Variants in ZNRF3 observed in about 807,000 individuals in gnomAD.
ZNRF3 encodes zinc and ring finger 3, also known as E3 ubiquitin-protein ligase ZNRF3.
In ZNRF3, 23 loss-of-function variants were observed where a neutral mutation model predicts 72.5. The ratio of observed to expected loss-of-function variants is 0.32; its 90% CI spans 0.23 to 0.45. The LOEUF (loss-of-function observed/expected upper bound fraction) is 0.45. ZNRF3 is among the 20% of genes least tolerant of loss of function. ZNRF3 has a pLI of 1.00. For synonymous variants in ZNRF3, 610 were observed against 545.3 expected, an observed-to-expected ratio of 1.12 and a Z score of -1.65; for missense variants, 1,169 against 1,272.1, an observed-to-expected ratio of 0.92 and a Z score of 1.23.
intron 1 of ZNRF3, among the ~76,000 whole-genome samples, chr22:28,931,772 A>G (rs1289939760): frequency 6.6e-6 from 1 of 152,206 alleles, no homozygotes; most frequent in Non-Finnish European, 1.5e-5. Flanking sequence ...TGTACTAGGC[A>G]AACCAGATCC....
At position 29,001,666 on chromosome 22, in the gene ZNRF3, T is replaced by TTTC. The variant is rs2036151560; in HGVS notation, c.426+14466_426+14468dup. ...TTTTTATTTTTCAGTAGAGGCGGGG[T>TTTC]TTCGCCTTGTTGGCCAGGCTGGTCT... On this transcript the variant is annotated intron_variant, in intron 2 of 8. Transcript: ENST00000544604. Among the ~76,000 whole-genome samples the TTTC allele has an allele frequency of 2.0e-5, 3 of 151,676 alleles. No homozygotes were observed. In the South Asian group the frequency reaches 6.2e-4, roughly 32 times the overall value.
chr22:29,052,706 A>C (rs1424522657), intron 8 of ZNRF3, among the ~76,000 whole-genome samples: 1 of 152,066 alleles, frequency 6.6e-6, no homozygotes, highest in African/African-American at 2.4e-5. Context: ...AAAAAAAAAA[A>C]AAGTTAACTC....
chr22:28,969,757 G>A (rs1212478419), intron 1 of ZNRF3, among the ~76,000 whole-genome samples: 10 of 152,166 alleles, frequency 6.6e-5, no homozygotes, highest in Admixed American at 6.5e-4. Context: ...TGCTGTATTT[G>A]AGAAAAGACT....
intron 2 of ZNRF3, among the ~76,000 whole-genome samples, chr22:29,020,755 CTTTGTTTT>C (rs1217685346): frequency 1.2e-4 from 16 of 136,190 alleles, no homozygotes; most frequent in African/African-American, 5.0e-4. Context: ...TTGAGAGGGG[CTTTGTTTT>C]TGTGTGTGTG....
In ZNRF3 at chr22:28,903,317, T is replaced by A. The variant is rs142070730; in HGVS notation, c.300+19251T>A. On this transcript the variant is annotated intron_variant, in intron 1 of 8. Coordinates refer to ENST00000544604, the MANE Select transcript of ZNRF3 (RefSeq NM_001206998.2). Reference sequence around the variant, plus strand: ...GGCCAGCCTGCTTGTTGTTCCTGGTTGCTCCGAGGAAAGGAGGGTGCTGAT... The same window carrying A: ...GGCCAGCCTGCTTGTTGTTCCTGGTAGCTCCGAGGAAAGGAGGGTGCTGAT... Among the ~76,000 whole-genome samples, 224 of 152,254 alleles carry A rather than the reference T, an allele frequency of 1.5e-3. 2 individuals carry two copies. The highest frequency in any genetic ancestry group is 5.1e-3 in the African/African-American group (212 of 41,550).
Position 29,036,551 on chromosome 22 carries a change from A to G in ZNRF3, c.427-5944A>G, listed in dbSNP as rs371362821. Among the ~76,000 whole-genome samples the G allele has an allele frequency of 3.9e-5, 6 of 152,276 alleles. No homozygotes were observed. The South Asian group carries it at 1.2e-3, about 32-fold the overall frequency. ...AACCCAGAAATTAAATCTGTTGACAAATTTGCCTGTATTGTCTGTGCCAGT... is the reference window on the plus strand; with the variant it reads ...AACCCAGAAATTAAATCTGTTGACAGATTTGCCTGTATTGTCTGTGCCAGT... On this transcript the variant is annotated intron_variant, in intron 2 of 8. Coordinates refer to ENST00000544604, the MANE Select transcript of ZNRF3 (RefSeq NM_001206998.2).
intron 1 of ZNRF3, among the ~76,000 whole-genome samples, chr22:28,910,698 C>T (rs185282146): frequency 2.6e-4 from 39 of 152,226 alleles, no homozygotes; most frequent in African/African-American, 8.4e-4. Flanking sequence ...CAGATGTGTC[C>T]CTGAGATGGT....
At chr22:28,987,643 A>C (rs1348342826) in intron 2 of ZNRF3, among the ~76,000 whole-genome samples, 1 of 152,238 alleles carries the variant, frequency 6.6e-6, no homozygotes, top group East Asian at 1.9e-4. Flanking sequence ...GGCACTCAGT[A>C]ACCAAACACA....
At position 28,970,482 on chromosome 22, in the gene ZNRF3, C is replaced by A. The variant is rs368374843; in HGVS notation, c.301-16594C>A. 9.1e-4 allele frequency among the ~76,000 whole-genome samples: 139 copies of A among 152,330 alleles called. 3 individuals carry two copies. In the South Asian group the frequency reaches 0.023, roughly 25 times the overall value. On this transcript the variant is annotated intron_variant, in intron 1 of 8. Coordinates refer to ENST00000544604, the MANE Select transcript of ZNRF3 (RefSeq NM_001206998.2). Reference sequence around the variant, plus strand: ...TCTTATAAAGCTCAACATACACCTACCATGTGACCCAGGTATTCCACCCGT... The same window carrying A: ...TCTTATAAAGCTCAACATACACCTAACATGTGACCCAGGTATTCCACCCGT...
chr22:28,946,299 C>G (rs892513917), intron 1 of ZNRF3, among the ~76,000 whole-genome samples: 1 of 152,152 alleles, frequency 6.6e-6, no homozygotes, highest in Non-Finnish European at 1.5e-5. Flanking sequence ...TGTGTTTCTT[C>G]TTGTTGTTGT....
intron 2 of ZNRF3, among the ~76,000 whole-genome samples, chr22:28,993,530 G>A (rs1022343300): frequency 6.6e-6 from 1 of 152,160 alleles, no homozygotes; most frequent in Non-Finnish European, 1.5e-5. Context: ...GAACTTCTTT[G>A]CAAAGCACAA....
intron 1 of ZNRF3, among the ~76,000 whole-genome samples, chr22:28,947,185 G>A (rs1355455127): frequency 1.3e-5 from 2 of 152,090 alleles, no homozygotes; most frequent in Admixed American, 1.3e-4. Context: ...TTCTTCCACT[G>A]ATAACTTGCT....
chr22:29,015,668 TAAA>T (rs56728614), intron 2 of ZNRF3, among the ~76,000 whole-genome samples: 32 of 139,528 alleles, frequency 2.3e-4, no homozygotes, highest in African/African-American at 3.5e-4. Context: ...AGATTCTGTT[TAAA>T]AAAAAAAAAA....
intron 1 of ZNRF3, among the ~76,000 whole-genome samples, chr22:28,913,470 T>C (rs2034355133): frequency 6.6e-6 from 1 of 152,072 alleles, no homozygotes; most frequent in Admixed American, 6.5e-5. Context: ...TCAGTTGGTG[T>C]CCTGTTAGAT....
At chr22:28,934,434 CCT>C (rs1039633591) in intron 1 of ZNRF3, among the ~76,000 whole-genome samples, 20 of 152,252 alleles carry the variant, frequency 1.3e-4, no homozygotes, top group South Asian at 8.3e-4. Context: ...AAGAATTACC[CCT>C]GTTTCCCCTG....
At chr22:28,953,842 T>C (rs2035209075) in intron 1 of ZNRF3, among the ~76,000 whole-genome samples, 1 of 152,188 alleles carries the variant, frequency 6.6e-6, no homozygotes, top group Non-Finnish European at 1.5e-5. Context: ...TGTAGCATTG[T>C]GCTTCAGAAT....
chr22:29,012,069 G>A (rs779096766), intron 2 of ZNRF3, among the ~76,000 whole-genome samples: 7 of 152,218 alleles, frequency 4.6e-5, no homozygotes, highest in Admixed American at 2.0e-4. Context: ...TGGCCAAGTC[G>A]TTTGAAGTTG....
At chr22:28,912,277 T>G (rs967879861) in intron 1 of ZNRF3, among the ~76,000 whole-genome samples, 1 of 152,240 alleles carries the variant, frequency 6.6e-6, no homozygotes, top group Non-Finnish European at 1.5e-5. Context: ...AGGTGCAGAA[T>G]GGACTGGGCC....
At chr22:28,923,041 G>A (rs1015879525) in intron 1 of ZNRF3, among the ~76,000 whole-genome samples, 1 of 152,072 alleles carries the variant, frequency 6.6e-6, no homozygotes, top group African/African-American at 2.4e-5. Context: ...GCTGTGCCCC[G>A]TGATGGCCCC....
Sources: allele counts gnomAD v4.1 joint callset (sites outside exome capture counted in the v4.1 genomes callset), GRCh38; gene constraint gnomAD v4.1.1; transcripts MANE v1.5; gene names NCBI Gene and HGNC (gene_info 2026-07-23, HGNC 2026-07-21).